The following CALU variants were observed in gnomAD, a reference collection of about 807,000 sequenced individuals.
CALU encodes calumenin, also known as IEF SSP 9302.
CALU carries 13 observed loss-of-function variants against 37.5 expected under a neutral mutation model. That is an observed-to-expected ratio of 0.35 (90% confidence interval 0.23 to 0.55). The LOEUF (loss-of-function observed/expected upper bound fraction) is 0.55, where lower values mean the gene tolerates loss of function less well. Among genes scored for constraint, CALU ranks in the 20% least tolerant of loss-of-function variants. The probability of loss-of-function intolerance (pLI) is 0.89; values close to 1 mark genes in which losing one functional copy is unlikely to be tolerated. For missense variants in CALU, 282 were observed against 391.7 expected, an observed-to-expected ratio of 0.72 and a Z score of 2.36; for synonymous variants, 114 against 133.8, an observed-to-expected ratio of 0.85 and a Z score of 1.02.
At chr7:128,747,481 C>T (rs1800492428) in intron 1 of CALU, 1 of 150,764 alleles carries the variant, frequency 6.6e-6, no homozygotes, top group South Asian at 2.1e-4. Context: ...TTCTGTTTGT[C>T]TTACTGTGTT....
chr7:128,744,467 G>A (rs747041382), intron 1 of CALU, among the ~76,000 whole-genome samples: 5 of 152,028 alleles, frequency 3.3e-5, no homozygotes, highest in Non-Finnish European at 7.4e-5. Context: ...CTAATAGCCA[G>A]GAGTTGTTAT....
chr7:128,749,253 C>T (rs1800566876), intron 2 of CALU, among the ~76,000 whole-genome samples: 1 of 152,194 alleles, frequency 6.6e-6, no homozygotes, highest in Non-Finnish European at 1.5e-5. Context: ...TGTCCTTCAC[C>T]CTCTTTATTT....
chr7:128,745,400 G>A (rs1219257471), intron 1 of CALU, among the ~76,000 whole-genome samples: 6 of 152,016 alleles, frequency 3.9e-5, no homozygotes, highest in Admixed American at 2.6e-4. Flanking sequence ...CTGGAGGATC[G>A]CTTGAGACCA....
chr7:128,750,102 C>A (rs1426979941), intron 2 of CALU, among the ~76,000 whole-genome samples: 1 of 151,870 alleles, frequency 6.6e-6, no homozygotes, highest in Non-Finnish European at 1.5e-5. Flanking sequence ...GTGGCGCGTG[C>A]CTGTAGTCCC....
chr7:128,767,304 T>C (rs1365944802), intron 5 of CALU, 152 bp from the exon 6 acceptor site: 1 of 639,356 alleles, frequency 1.6e-6, no homozygotes, highest in Non-Finnish European at 2.8e-6. Flanking sequence ...GAAAATACCT[T>C]GCTTTCTAAG....
intron 2 of CALU, among the ~76,000 whole-genome samples, chr7:128,752,023 A>G (rs983770948): frequency 2.6e-5 from 4 of 152,190 alleles, no homozygotes; most frequent in Non-Finnish European, 5.9e-5. Flanking sequence ...TAAAGATGAT[A>G]ATTTAGAGCC....
chr7:128,762,675 TA>T (rs1420681014), intron 5 of CALU, among the ~76,000 whole-genome samples: 10 of 152,148 alleles, frequency 6.6e-5, no homozygotes. Context: ...TTTATTTATT[TA>T]TGTTTTTTTT....
intron 6 of CALU, among the ~76,000 whole-genome samples, chr7:128,768,847 C>CA (rs1012831963): frequency 0.032 from 1,771 of 54,990 alleles, 91 homozygotes; most frequent in South Asian, 0.06. Context: ...AACTCCGTCT[C>CA]AAAAAAAAAA....
chr7:128,766,716 C>G (rs2128883264), intron 5 of CALU, among the ~76,000 whole-genome samples: 1 of 152,278 alleles, frequency 6.6e-6, no homozygotes, highest in Admixed American at 6.5e-5. Context: ...CTAGGCCTCC[C>G]AAAGTGCTGG....
chr7:128,757,283 TTTAGA>T (rs1800921985), intron 3 of CALU, among the ~76,000 whole-genome samples: 1 of 152,114 alleles, frequency 6.6e-6, no homozygotes. Flanking sequence ...TGAAACCTTG[TTTAGA>T]AGAGACACTT....
chr7:128,743,075 C>T (rs779054025), intron 1 of CALU, among the ~76,000 whole-genome samples: 3 of 151,990 alleles, frequency 2.0e-5, no homozygotes, highest in Admixed American at 6.6e-5. Context: ...TTATACCAAT[C>T]GCAATTCACA....
rs931247339 is a variant in CALU, at chr7:128,754,801, G to A, written c.415+346G>A. The A allele has an allele frequency of 1.9e-5, 15 of 793,288 alleles. No individual in the cohort carries two copies. In the African/African-American group the frequency reaches 2.3e-4, roughly 12 times the overall value. The allele number at this position is 793,288 out of a possible 1,614,324, so 49.1% of individuals were successfully genotyped here. ...AAATGGGTCACACAGTAAAGGAAAG[G>A]AAGCTTATCTTAAATAGTTCAATTC... On this transcript the variant is annotated intron_variant, in intron 3 of 6. Coordinates refer to ENST00000249364, the MANE Select transcript of CALU (RefSeq NM_001219.5).
At chr7:128,765,691 G>A (rs1037202741) in intron 5 of CALU, among the ~76,000 whole-genome samples, 12 of 152,122 alleles carry the variant, frequency 7.9e-5, no homozygotes, top group East Asian at 7.7e-4. Context: ...TATTACAGAC[G>A]TTTTATGTTT....
intron 6 of CALU, 26 bp from the exon 7 acceptor site, chr7:128,769,036 TC>T (rs754426966): frequency 7.9e-7 from 1 of 1,263,474 alleles, no homozygotes; most frequent in Non-Finnish European, 1.2e-6. Context: ...ATGTTCTTCT[TC>T]AATTCATTGC....
intron 1 of CALU, among the ~76,000 whole-genome samples, chr7:128,746,498 C>T (rs929809449): frequency 1.3e-5 from 2 of 151,850 alleles, no homozygotes; most frequent in African/African-American, 4.8e-5. Context: ...CTGTCACCCA[C>T]GCTGGAGTGC....
chr7:128,768,891 TTCTTCCC>T (rs1173566418), intron 6 of CALU, among the ~76,000 whole-genome samples, 165 bp from the exon 7 acceptor site: 4 of 147,058 alleles, frequency 2.7e-5, no homozygotes, highest in Admixed American at 6.8e-5. Flanking sequence ...AATTGCTGTT[TTCTTCCC>T]TCTTCGTATG....
At chr7:128,759,755 C>A in intron 4 of CALU, 37 bp from the exon 5 acceptor site, 1 of 1,008,058 alleles carries the variant, frequency 9.9e-7, no homozygotes. Context: ...AATTCAGAGA[C>A]CAACTTAATA....
chr7:128,760,630 T>C (rs1027931339), intron 5 of CALU, among the ~76,000 whole-genome samples: 3 of 151,944 alleles, frequency 2.0e-5, no homozygotes, highest in Admixed American at 2.0e-4. Flanking sequence ...TGCAGGGGGC[T>C]GGGCACGGTG....
intron 2 of CALU, among the ~76,000 whole-genome samples, chr7:128,750,247 A>G (rs919886031): frequency 2.1e-5 from 3 of 145,948 alleles, no homozygotes; most frequent in Non-Finnish European, 3.1e-5. Flanking sequence ...AAAAGAAAAT[A>G]GAAATGCAGA....
Sources: gnomAD v4.1 joint callset for allele counts (sites outside exome capture counted in the v4.1 genomes callset) on GRCh38, gnomAD v4.1.1 for gene constraint, MANE v1.5 for transcripts, NCBI Gene and HGNC (gene_info 2026-07-23, HGNC 2026-07-21) for gene names.